The following STARD3 variants were observed in gnomAD, a reference collection of about 807,000 sequenced individuals.
STARD3 encodes StAR related lipid transfer domain containing 3, also known as stAR-related lipid transfer protein 3.
A neutral mutation model predicts 62.0 loss-of-function variants in STARD3; 39 were observed. The ratio of observed to expected loss-of-function variants is 0.63; its 90% CI spans 0.49 to 0.82. The LOEUF (loss-of-function observed/expected upper bound fraction) is 0.82, where lower values mean the gene tolerates loss of function less well. STARD3 is among the 40% of genes least tolerant of loss of function. The pLI, the probability that STARD3 is intolerant of heterozygous loss-of-function variation, is 0.00. For synonymous variants in STARD3, 229 were observed against 242.4 expected (o/e 0.94, Z 0.51); for missense variants, 543 against 584.5 (o/e 0.93, Z 0.73).
At chr17:39,637,455 C>G (rs567202208) in intron 1 of STARD3, 1 of 152,332 alleles carries the variant, frequency 6.6e-6, no homozygotes, top group East Asian at 1.9e-4. Flanking sequence ...CTGGGGAGCC[C>G]GGGGAGGACG....
intron 1 of STARD3, among the ~76,000 whole-genome samples, chr17:39,645,163 C>T (rs1461957385): frequency 6.6e-6 from 1 of 152,150 alleles, no homozygotes; most frequent in Non-Finnish European, 1.5e-5. Context: ...GGGCCGGTCT[C>T]AAGAGGAAGG....
chr17:39,650,471 G>T (rs2057067285), intron 1 of STARD3, among the ~76,000 whole-genome samples: 1 of 152,044 alleles, frequency 6.6e-6, no homozygotes. Flanking sequence ...ACCCAAAATG[G>T]CAGACATGGG....
At chr17:39,648,653 T>C (rs919943340) in intron 1 of STARD3, among the ~76,000 whole-genome samples, 5 of 152,130 alleles carry the variant, frequency 3.3e-5, no homozygotes, top group African/African-American at 1.2e-4. Context: ...GACTTTGAGC[T>C]GCTTTCGGTG....
Position 39,659,080 on chromosome 17 carries a change from G to T in STARD3, c.676G>T (p.Ala226Ser). The change falls in exon 8 of 15, where the codon GCT (alanine) becomes TCT (serine). Residue 226 changes from alanine (A) to serine (S), a missense_variant. Transcript: ENST00000336308. ...TGACAATGAATCAGATGAAGAAGTTGCTGGGAAGAAAAGTTTCTCTGCTCA... is the reference window on the plus strand; with the variant it reads ...TGACAATGAATCAGATGAAGAAGTTTCTGGGAAGAAAAGTTTCTCTGCTCA... ...GSDNESDEEV[A>S]GKKSFSAQER... The T allele has an allele frequency of 6.2e-7, 1 of 1,614,176 alleles. No individual in the cohort carries two copies. Among genetic ancestry groups the T allele is most frequent in the Non-Finnish European group, 8.5e-7 (1 of 1,180,030 alleles).
intron 2 of STARD3, chr17:39,656,778 C>T (rs1450011140): frequency 3.0e-5 from 16 of 538,986 alleles, no homozygotes; most frequent in South Asian, 1.8e-4. Flanking sequence ...GAAGCTAGCC[C>T]TGCCCATCGG....
chr17:39,656,889 C>A, intron 2 of STARD3, 119 bp from the exon 3 acceptor site: 1 of 942,792 alleles, frequency 1.1e-6, no homozygotes, highest in Admixed American at 2.1e-5. Context: ...GGTGGCTTAG[C>A]ATCAACAGCC....
chr17:39,637,599 G>A (rs2056943661), intron 1 of STARD3: 1 of 152,232 alleles, frequency 6.6e-6, no homozygotes, highest in African/African-American at 2.4e-5. Flanking sequence ...TACGCATTCC[G>A]GTAGCTCTGC....
At position 39,657,027 on chromosome 17, in the gene STARD3, A is replaced by G. The variant is rs1277240132; in HGVS notation, c.239A>G (p.Lys80Arg). ...TCACAGACCAACACAGGCATCCGTA[A>G]GAACTTGGAGCAGGAGATCATCCAG... ...IELNTNTGIR[K>R]NLEQEIIQYN... Residue 80 changes from lysine to arginine, a missense_variant, in exon 3 of 15, where the codon AAG (lysine) becomes AGG (arginine). By Grantham distance (26) the Lys-to-Arg change is conservative (BLOSUM62 2). Transcript: ENST00000336308. 1 of 1,614,196 alleles carries G rather than the reference A, an allele frequency of 6.2e-7. No homozygotes were observed.
chr17:39,656,967 T>C (rs2057136279), intron 2 of STARD3, 41 bp from the exon 3 acceptor site: 1 of 1,608,974 alleles, frequency 6.2e-7, no homozygotes, highest in Admixed American at 1.7e-5. Flanking sequence ...CCCCAGGCCC[T>C]TGCTTCTACC....
rs749582349 is a variant in STARD3 at position 39,653,709 on chromosome 17, G to T, written c.178G>T (p.Asp60Tyr). 1 of 1,614,136 alleles carries T rather than the reference G, an allele frequency of 6.2e-7. No homozygotes were observed. The highest frequency in any genetic ancestry group is 1.3e-5 in the African/African-American group (1 of 75,044). ...CACCTTCTGTCTCTTCGTCACCTTCGACCTGCTCTTCATCTCCCTGCTCTG... is the reference window on the plus strand; with the variant it reads ...CACCTTCTGTCTCTTCGTCACCTTCTACCTGCTCTTCATCTCCCTGCTCTG... ...RRTFCLFVTFDLLFISLLWII... is the reference protein window; with the variant it reads ...RRTFCLFVTFYLLFISLLWII... Residue 60 changes from aspartate (D) to tyrosine (Y), a missense_variant, in exon 2 of 15, where the codon GAC becomes TAC. Coordinates refer to ENST00000336308, the MANE Select transcript of STARD3 (RefSeq NM_006804.4).
Position 39,656,998 on chromosome 17 carries a change from C to T in STARD3, c.220-10C>T, listed in dbSNP as rs201094473. ...CTACCTGCAGAGCTCTTCCTGTCTC[C>T]CTCTCACAGACCAACACAGGCATCC... is the stretch of plus-strand genomic sequence containing the variant. On this transcript the variant is annotated splice_polypyrimidine_tract_variant and intron_variant, in intron 2 of 14. Coordinates refer to ENST00000336308, the MANE Select transcript of STARD3 (RefSeq NM_006804.4). The T allele has an allele frequency of 4.3e-5, 70 of 1,613,976 alleles. No individual in the cohort carries two copies. The highest frequency in any genetic ancestry group is 5.8e-5 in the Non-Finnish European group (68 of 1,179,906).
At chr17:39,644,804 A>G (rs1441748814) in intron 1 of STARD3, among the ~76,000 whole-genome samples, 5 of 151,608 alleles carry the variant, frequency 3.3e-5, no homozygotes, top group Non-Finnish European at 4.4e-5. Context: ...TGAGGCTGCA[A>G]TGAGCTGTAA....
chr17:39,661,568 G>T (rs1166038580), intron 13 of STARD3, among the ~76,000 whole-genome samples: 2 of 152,200 alleles, frequency 1.3e-5, no homozygotes, highest in Non-Finnish European at 2.9e-5. Context: ...CCGCATCTGT[G>T]CCTGGGCTTC....
intron 13 of STARD3, 94 bp from the exon 14 acceptor site, chr17:39,662,157 G>A (rs960320316): frequency 2.6e-6 from 3 of 1,135,574 alleles, no homozygotes; most frequent in Non-Finnish European, 3.9e-6. Flanking sequence ...AGTCCCAGCT[G>A]GGCCAAGAAT....
chr17:39,637,771 G>T (rs1172896405), intron 1 of STARD3, among the ~76,000 whole-genome samples: 1 of 152,084 alleles, frequency 6.6e-6, no homozygotes, highest in African/African-American at 2.4e-5. Context: ...CGCATTTTTG[G>T]GTTAGTCAAT....
At chr17:39,658,121 C>T in intron 5 of STARD3, 95 bp downstream of exon 5, 1 of 1,379,048 alleles carries the variant, frequency 7.3e-7, no homozygotes, top group Non-Finnish European at 1.0e-6. Context: ...GTGTCTGTCC[C>T]TGTTGTCCGG....
intron 2 of STARD3, among the ~76,000 whole-genome samples, chr17:39,654,740 G>C (rs2057111252): frequency 6.6e-6 from 1 of 152,212 alleles, no homozygotes; most frequent in Non-Finnish European, 1.5e-5. Context: ...CTGCAGCATG[G>C]GCTCCCCATC....
chr17:39,655,496 CT>C (rs1297406637), intron 2 of STARD3, among the ~76,000 whole-genome samples: 2 of 152,038 alleles, frequency 1.3e-5, no homozygotes, highest in Non-Finnish European at 2.9e-5. Context: ...TGTAATTGTG[CT>C]TTTGAAGTTA....
chr17:39,651,254 G>A (rs2057075137), intron 1 of STARD3, among the ~76,000 whole-genome samples: 1 of 152,238 alleles, frequency 6.6e-6, no homozygotes, highest in African/African-American at 2.4e-5. Flanking sequence ...CAGAGGGATG[G>A]ACGAGCTGGC....
Sources: gnomAD v4.1 joint callset for allele counts (sites outside exome capture counted in the v4.1 genomes callset) on GRCh38, gnomAD v4.1.1 for gene constraint, MANE v1.5 for transcripts, NCBI Gene and HGNC (gene_info 2026-07-23, HGNC 2026-07-21) for gene names.